The following AK5 variants were observed in gnomAD, a reference collection of about 807,000 sequenced individuals.
The protein encoded by AK5 is adenylate kinase isoenzyme 5.
AK5 carries 27 observed loss-of-function variants against 69.5 expected under a neutral mutation model. The observed-to-expected ratio is 0.39, with a 90% CI of 0.29 to 0.54. The LOEUF (loss-of-function observed/expected upper bound fraction) is 0.54, where lower values mean the gene tolerates loss of function less well. Among genes scored for constraint, AK5 ranks in the 20% least tolerant of loss-of-function variants. The probability of loss-of-function intolerance (pLI) is 0.71; values close to 1 mark genes in which losing one functional copy is unlikely to be tolerated. For missense variants in AK5, 531 were observed against 700.4 expected (o/e 0.76, Z 2.73); for synonymous variants, 260 against 244.4 (o/e 1.06, Z -0.60).
intron 6 of AK5, among the ~76,000 whole-genome samples, chr1:77,359,369 A>G (rs773142461): frequency 5.9e-5 from 9 of 152,316 alleles, no homozygotes; most frequent in Non-Finnish European, 1.3e-4. Flanking sequence ...TTTTTTCATA[A>G]TTAACATGTT....
intron 13 of AK5, among the ~76,000 whole-genome samples, chr1:77,538,680 G>A (rs1659117494): frequency 6.6e-6 from 1 of 151,888 alleles, no homozygotes; most frequent in South Asian, 2.1e-4. Context: ...AAAAAAGAAA[G>A]GTATTTCTTC....
At chr1:77,314,185 C>T (rs1434506718) in intron 5 of AK5, 3 of 287,396 alleles carry the variant, frequency 1.0e-5, no homozygotes, top group Middle Eastern at 1.3e-3. Context: ...ATGGAGGCTA[C>T]GTTTTCAAGG....
chr1:77,515,340 G>A (rs1657575841), intron 10 of AK5, among the ~76,000 whole-genome samples: 2 of 152,122 alleles, frequency 1.3e-5, no homozygotes, highest in African/African-American at 2.4e-5. Flanking sequence ...AACTAATGTT[G>A]TCCCTTAAGA....
chr1:77,490,327 C>T (rs533376737), intron 10 of AK5, among the ~76,000 whole-genome samples: 2 of 152,238 alleles, frequency 1.3e-5, no homozygotes, highest in Non-Finnish European at 2.9e-5. Flanking sequence ...TGCTCATTTG[C>T]AGGGCAGTAG....
intron 6 of AK5, among the ~76,000 whole-genome samples, chr1:77,381,001 T>G (rs1302683178): frequency 6.6e-6 from 1 of 152,248 alleles, no homozygotes; most frequent in Non-Finnish European, 1.5e-5. Context: ...CTGTTAATGC[T>G]TTAAGCTTGA....
chr1:77,431,338 A>G (rs914582750), intron 8 of AK5, among the ~76,000 whole-genome samples: 24 of 152,128 alleles, frequency 1.6e-4, no homozygotes, highest in African/African-American at 5.8e-4. Flanking sequence ...TTCCTTTAGC[A>G]AATGTTTATT....
At chr1:77,479,605 T>C (rs1459631406) in intron 8 of AK5, among the ~76,000 whole-genome samples, 1 of 152,182 alleles carries the variant, frequency 6.6e-6, no homozygotes, top group Non-Finnish European at 1.5e-5. Flanking sequence ...CCCATACATG[T>C]GAGTCTTAAA....
At chr1:77,536,110 A>G in intron 13 of AK5, 72 bp downstream of exon 13, 1 of 1,464,784 alleles carries the variant, frequency 6.8e-7, no homozygotes, top group Non-Finnish European at 9.1e-7. Flanking sequence ...AAAGAGAAAA[A>G]GCTGAGAACA....
chr1:77,286,330 T>C (rs1043947672), intron 1 of AK5, among the ~76,000 whole-genome samples: 4 of 150,682 alleles, frequency 2.7e-5, no homozygotes, highest in Non-Finnish European at 5.9e-5. Context: ...GCATTTTATC[T>C]CACTGTGATG....
Position 77,345,020 on chromosome 1 carries a change from T to C in AK5, c.891+4452T>C, listed in dbSNP as rs1570414567. On this transcript the variant is annotated intron_variant, in intron 6 of 13. Coordinates refer to ENST00000354567, the MANE Select transcript of AK5 (RefSeq NM_174858.3). ...AAAAAAAAAAAAAGCTCAGATGCAA[T>C]GTATATGTTATTTTTTCCAGAATGC... Among the ~76,000 whole-genome samples, 5 of 149,662 alleles carry C rather than the reference T, an allele frequency of 3.3e-5. No homozygotes were observed. The South Asian group carries it at 8.4e-4, about 25-fold the overall frequency.
intron 6 of AK5, among the ~76,000 whole-genome samples, chr1:77,405,686 T>G (rs1281636979): frequency 2.0e-5 from 3 of 152,058 alleles, no homozygotes; most frequent in African/African-American, 7.2e-5. Flanking sequence ...AACCAAGAAG[T>G]GGAGGGATCC....
chr1:77,451,255 G>A (rs1355176251), intron 8 of AK5, among the ~76,000 whole-genome samples: 1 of 151,852 alleles, frequency 6.6e-6, no homozygotes, highest in Non-Finnish European at 1.5e-5. Flanking sequence ...AAAGTATAAA[G>A]AAGAAAATTA....
At chr1:77,319,901 G>C (rs538729744) in intron 5 of AK5, among the ~76,000 whole-genome samples, 4 of 152,340 alleles carry the variant, frequency 2.6e-5, no homozygotes, top group East Asian at 3.9e-4. Context: ...AAAAATGTTA[G>C]AGATGCTGAA....
chr1:77,529,399 TCTCAG>T (rs1453564531), intron 12 of AK5, among the ~76,000 whole-genome samples: 4 of 151,314 alleles, frequency 2.6e-5, no homozygotes, highest in African/African-American at 4.9e-5. Context: ...AATGGCGTGA[TCTCAG>T]CTCACTGCAA....
chr1:77,376,423 C>T (rs1183501998), intron 6 of AK5, among the ~76,000 whole-genome samples: 41 of 96,418 alleles, frequency 4.3e-4, no homozygotes, highest in Non-Finnish European at 2.9e-4. Context: ...CACTTCAGTG[C>T]ACTCAATGCC....
chr1:77,405,528 T>C (rs987299011), intron 6 of AK5, among the ~76,000 whole-genome samples: 1 of 152,210 alleles, frequency 6.6e-6, no homozygotes, highest in Non-Finnish European at 1.5e-5. Flanking sequence ...ATTCTCACCA[T>C]TGTGGGATCT....
chr1:77,463,878 A>G (rs541206426), intron 8 of AK5, among the ~76,000 whole-genome samples: 3 of 152,266 alleles, frequency 2.0e-5, no homozygotes, highest in African/African-American at 7.2e-5. Context: ...TCCTCATCCA[A>G]TCACCTGTGG....
chr1:77,294,216 A>G (rs1042236338), intron 3 of AK5, among the ~76,000 whole-genome samples: 2 of 152,180 alleles, frequency 1.3e-5, no homozygotes, highest in Non-Finnish European at 2.9e-5. Context: ...TCTATAATGA[A>G]TCGAAAGTAA....
At chr1:77,359,506 A>G (rs1646823929) in intron 6 of AK5, among the ~76,000 whole-genome samples, 1 of 152,054 alleles carries the variant, frequency 6.6e-6, no homozygotes. Flanking sequence ...ACTTTTCTGT[A>G]AATTTTTAAC....
Sources: allele counts gnomAD v4.1 joint callset (sites outside exome capture counted in the v4.1 genomes callset), GRCh38; gene constraint gnomAD v4.1.1; transcripts MANE v1.5; gene names NCBI Gene and HGNC (gene_info 2026-07-23, HGNC 2026-07-21).